The following DDX19B variants were observed in gnomAD, a reference collection of about 807,000 sequenced individuals.
DDX19B encodes the protein ATP-dependent RNA helicase DDX19B.
Under a neutral mutation model 58.1 loss-of-function variants are expected in DDX19B, and 27 were observed. The ratio of observed to expected loss-of-function variants is 0.46; its 90% CI spans 0.34 to 0.64. The LOEUF is 0.64. Among genes scored for constraint, DDX19B ranks in the 30% least tolerant of loss-of-function variants. The pLI, the probability that DDX19B is intolerant of heterozygous loss-of-function variation, is 0.01. For missense variants in DDX19B, 399 were observed against 596.5 expected (o/e 0.67, Z 3.45); for synonymous variants, 187 against 214.4 (o/e 0.87, Z 1.12).
At chr16:70,323,945 T>C (rs1036315667) in intron 5 of DDX19B, among the ~76,000 whole-genome samples, 17 of 152,042 alleles carry the variant, frequency 1.1e-4, no homozygotes, top group Admixed American at 2.0e-4. Context: ...CTGGGGACAG[T>C]TGTCCCAAGC....
upstream of DDX19B, among the ~76,000 whole-genome samples, chr16:70,295,287 G>GT (rs1369660563): frequency 3.3e-5 from 5 of 151,988 alleles, no homozygotes; most frequent in African/African-American, 9.7e-5. Flanking sequence ...CTATTTTTAA[G>GT]TTTTTTTGTT....
chr16:70,295,451 T>A (rs865774780), upstream of DDX19B, among the ~76,000 whole-genome samples: 2,364 of 135,034 alleles, frequency 0.018, 33 homozygotes, highest in African/African-American at 0.05. Flanking sequence ...TTAAAAAAAA[T>A]TTTTTTTTTT....
At chr16:70,316,591 G>C (rs1370019778) in intron 4 of DDX19B, among the ~76,000 whole-genome samples, 1 of 152,080 alleles carries the variant, frequency 6.6e-6, no homozygotes, top group Non-Finnish European at 1.5e-5. Flanking sequence ...CAAGGTGAGA[G>C]GATCACTTGA....
chr16:70,334,019 G>C lies in DDX19B; in HGVS notation c.*437G>C, dbSNP rs1244055357. 4.3e-6 allele frequency: 1 copy of C among 231,692 alleles called. No homozygotes were observed. Among genetic ancestry groups the C allele is most frequent in the African/African-American group, 2.3e-5 (1 of 43,250 alleles). The allele number at this position is 231,692 out of a possible 1,614,324, so 14.4% of individuals were successfully genotyped here. On this transcript the variant is annotated 3_prime_UTR_variant, in exon 12 of 12. Transcript: ENST00000288071. ...ACACAGAGAGGGAGGCTTCCAGTAA[G>C]ATAGGTGTGTAAGCCCAGCCATCAT...
chr16:70,305,193 C>T (rs77476190), intron 1 of DDX19B, among the ~76,000 whole-genome samples: 9 of 152,118 alleles, frequency 5.9e-5, no homozygotes, highest in Non-Finnish European at 1.3e-4. Context: ...ACTTTCCTCC[C>T]GGTCTGGCCA....
chr16:70,313,068 G>A (rs191624720), intron 2 of DDX19B, among the ~76,000 whole-genome samples: 1 of 152,012 alleles, frequency 6.6e-6, no homozygotes, highest in Admixed American at 6.6e-5. Context: ...GCCCAGGCTG[G>A]AGTGCAGTGG....
intron 2 of DDX19B, 168 bp from the exon 3 acceptor site, chr16:70,314,734 T>G (rs904441978): frequency 1.6e-6 from 1 of 610,188 alleles, no homozygotes; most frequent in African/African-American, 1.9e-5. Context: ...GTTTTACACC[T>G]TTGTTTATTT....
chr16:70,309,368 G>A (rs1239221620), intron 1 of DDX19B, among the ~76,000 whole-genome samples: 2 of 151,654 alleles, frequency 1.3e-5, no homozygotes, highest in East Asian at 1.9e-4. Context: ...GGTGGCAGGC[G>A]CCTGTAGTCC....
chr16:70,303,658 G>A (rs888987280), intron 1 of DDX19B, among the ~76,000 whole-genome samples: 6 of 152,016 alleles, frequency 3.9e-5, no homozygotes, highest in African/African-American at 9.7e-5. Context: ...TCAGGCTCAC[G>A]CCATTCTCCT....
At chr16:70,332,905 G>A (rs1380074475) in intron 10 of DDX19B, 63 bp from the exon 11 acceptor site, 18 of 1,613,628 alleles carry the variant, frequency 1.1e-5, no homozygotes, top group Non-Finnish European at 1.4e-5. Context: ...TGTATGGATG[G>A]ACCACATGAC....
rs61033553 is a variant in DDX19B, at chr16:70,309,817, C to CAAAA, written c.58-2774_58-2771dup. Among the ~76,000 whole-genome samples, 155 of 42,624 alleles carry CAAAA rather than the reference C, an allele frequency of 3.6e-3. 28 individuals are homozygous for CAAAA. The highest frequency in any genetic ancestry group is 0.017 in the African/African-American group (135 of 7,994). 28.0% of individuals were successfully genotyped at this position (42,624 alleles called of 152,430 possible). ...TGGGCGACAGGGCAAGACTCCGTCT[C>CAAAA]AAAAAAAAAAAAAAAAAAAAAGAGA... is the stretch of plus-strand genomic sequence containing the variant. On this transcript the variant is annotated intron_variant, in intron 1 of 11. Coordinates refer to ENST00000288071, the MANE Select transcript of DDX19B (RefSeq NM_007242.7).
intron 4 of DDX19B, among the ~76,000 whole-genome samples, chr16:70,316,890 G>A (rs1480972830): frequency 6.6e-6 from 1 of 151,964 alleles, no homozygotes; most frequent in African/African-American, 2.4e-5. Context: ...GGCCAACATG[G>A]TGAAACCCTG....
At position 70,324,707 on chromosome 16, in the gene DDX19B, G is replaced by A. The variant is rs551907117; in HGVS notation, c.492+20G>A. On this transcript the variant is annotated intron_variant, in intron 6 of 11. Transcript: ENST00000288071. ...CCCCAGGTAAGGATTTATGAATTTA[G>A]GTTTTCTACTAATGCATAGATAGAA... 2.5e-6 allele frequency: 4 copies of A among 1,599,134 alleles called. No homozygotes were observed. Among genetic ancestry groups the A allele is most frequent in the Non-Finnish European group, 3.4e-6 (4 of 1,172,144 alleles).
intron 1 of DDX19B, among the ~76,000 whole-genome samples, chr16:70,303,850 C>T (rs190554629): frequency 3.3e-5 from 5 of 151,554 alleles, no homozygotes; most frequent in South Asian, 2.1e-4. Flanking sequence ...TGAGCCACCG[C>T]GCCCGGCCTA....
chr16:70,324,018 C>G (rs1408966468), intron 5 of DDX19B, among the ~76,000 whole-genome samples: 1 of 151,988 alleles, frequency 6.6e-6, no homozygotes, highest in Non-Finnish European at 1.5e-5. Flanking sequence ...CTGAGCAGTA[C>G]TAGGGCCCTG....
chr16:70,295,070 G>A (rs977649860), upstream of DDX19B: 17 of 1,280,862 alleles, frequency 1.3e-5, no homozygotes, highest in Non-Finnish European at 1.6e-5. Flanking sequence ...CTGTGAGGTG[G>A]GTACTTCCTG....
intron 2 of DDX19B, among the ~76,000 whole-genome samples, chr16:70,314,365 G>A (rs948343133): frequency 5.3e-5 from 8 of 151,802 alleles, no homozygotes; most frequent in Admixed American, 2.6e-4. Flanking sequence ...GAATAGGAAA[G>A]AATATGAGCA....
Position 70,320,881 on chromosome 16 carries a change from C to A in DDX19B, c.389+3293C>A, listed in dbSNP as rs1377654060. On this transcript the variant is annotated intron_variant, in intron 5 of 11. Coordinates refer to ENST00000288071, the MANE Select transcript of DDX19B (RefSeq NM_007242.7). ...CTAATTTTTATATTTTTATCAGAGA[C>A]AGAGTTGTGCTATGTTGCCCAGGCT... is the stretch of plus-strand genomic sequence containing the variant. Among the ~76,000 whole-genome samples, 4 of 148,748 alleles carry A rather than the reference C, an allele frequency of 2.7e-5. No homozygotes were observed. In the East Asian group the frequency reaches 6.1e-4, roughly 23 times the overall value.
chr16:70,299,094 C>G, upstream of DDX19B: 6 of 1,308,882 alleles, frequency 4.6e-6, no homozygotes, highest in Non-Finnish European at 4.9e-6. Context: ...GGGTACGGGT[C>G]TGAGGGCAAC....
Sources: allele counts gnomAD v4.1 joint callset (sites outside exome capture counted in the v4.1 genomes callset), GRCh38; gene constraint gnomAD v4.1.1; transcripts MANE v1.5; gene names NCBI Gene and HGNC (gene_info 2026-07-23, HGNC 2026-07-21).